The following CCSER1 variants were observed in gnomAD, a reference collection of about 807,000 sequenced individuals.
The protein encoded by CCSER1 is serine-rich coiled-coil domain-containing protein 1.
A neutral mutation model predicts 82.0 loss-of-function variants in CCSER1; 41 were observed. The ratio of observed to expected loss-of-function variants is 0.50; its 90% confidence interval spans 0.39 to 0.65. The LOEUF (loss-of-function observed/expected upper bound fraction) is 0.65. CCSER1 is among the 30% of genes least tolerant of loss of function. The pLI is 0.00. For synonymous variants in CCSER1, 414 were observed against 383.9 expected, an observed-to-expected ratio of 1.08 and a Z score of -0.92; for missense variants, 1,119 against 1,064.2, an observed-to-expected ratio of 1.05 and a Z score of -0.72.
intron 7 of CCSER1, among the ~76,000 whole-genome samples, chr4:90,745,276 A>G (rs373260575): frequency 1.2e-4 from 18 of 152,276 alleles, no homozygotes; most frequent in Middle Eastern, 6.8e-3. Context: ...AGTCTTCCTC[A>G]TGCTGCATCT....
At position 91,275,908 on chromosome 4, in the gene CCSER1, G is replaced by A. The variant is rs117525670; in HGVS notation, c.2217+189914G>A. Reference sequence around the variant, plus strand: ...TCCAATTTACCCAGCACCATTTATTGAAGGGACTCCTTTACTCCAATTTAT... The same window carrying A: ...TCCAATTTACCCAGCACCATTTATTAAAGGGACTCCTTTACTCCAATTTAT... On this transcript the variant is annotated intron_variant, in intron 10 of 10. Transcript: ENST00000509176. Among the ~76,000 whole-genome samples the A allele has an allele frequency of 4.2e-4, 64 of 152,158 alleles. No individual in the cohort carries two copies. The East Asian group carries it at 0.012, about 28-fold the overall frequency.
chr4:91,114,556 C>CT (rs1457251651), intron 10 of CCSER1, among the ~76,000 whole-genome samples: 3 of 152,186 alleles, frequency 2.0e-5, no homozygotes, highest in Admixed American at 6.5e-5. Flanking sequence ...GAAGAAAACA[C>CT]TGTCAGAAAG....
chr4:90,183,991 T>C (rs1420030496), intron 1 of CCSER1, among the ~76,000 whole-genome samples: 2 of 152,098 alleles, frequency 1.3e-5, no homozygotes, highest in Non-Finnish European at 2.9e-5. Context: ...AACAGTATTA[T>C]GAGAAATATC....
intron 10 of CCSER1, among the ~76,000 whole-genome samples, chr4:91,475,820 G>T (rs999967172): frequency 1.3e-5 from 2 of 151,586 alleles, no homozygotes; most frequent in African/African-American, 4.8e-5. Context: ...CCAGCCTCTG[G>T]TAACCACTAT....
chr4:91,393,490 G>A (rs895661727), intron 10 of CCSER1, among the ~76,000 whole-genome samples: 1 of 151,984 alleles, frequency 6.6e-6, no homozygotes, highest in South Asian at 2.1e-4. Context: ...ATTATATTTT[G>A]CAATGAAATC....
intron 10 of CCSER1, among the ~76,000 whole-genome samples, chr4:91,327,073 T>C (rs1263380554): frequency 1.3e-5 from 2 of 152,190 alleles, no homozygotes; most frequent in Non-Finnish European, 2.9e-5. Flanking sequence ...GGTGGATCTA[T>C]CGTTCTGGGG....
chr4:90,205,348 T>C (rs1289592320), intron 1 of CCSER1, among the ~76,000 whole-genome samples: 1 of 152,164 alleles, frequency 6.6e-6, no homozygotes, highest in Non-Finnish European at 1.5e-5. Flanking sequence ...AGAGCTCTTA[T>C]TATTTTGAGA....
chr4:91,264,622 T>A (rs1173076805), intron 10 of CCSER1, among the ~76,000 whole-genome samples: 1 of 152,084 alleles, frequency 6.6e-6, no homozygotes, highest in Admixed American at 6.5e-5. Flanking sequence ...AATGAATTTT[T>A]AAAATTTTAC....
intron 9 of CCSER1, among the ~76,000 whole-genome samples, chr4:91,009,840 A>G (rs533190113): frequency 1.2e-4 from 18 of 152,262 alleles, no homozygotes; most frequent in Admixed American, 3.3e-4. Flanking sequence ...ATCTTTTTAT[A>G]TTATGGAATT....
At chr4:90,515,089 C>T (rs1261510778) in intron 5 of CCSER1, among the ~76,000 whole-genome samples, 1 of 152,060 alleles carries the variant, frequency 6.6e-6, no homozygotes, top group African/African-American at 2.4e-5. Flanking sequence ...AACTCCTGAC[C>T]TTGTGATCTG....
chr4:91,404,040 T>C (rs1323118120), intron 10 of CCSER1, among the ~76,000 whole-genome samples: 1 of 152,150 alleles, frequency 6.6e-6, no homozygotes, highest in African/African-American at 2.4e-5. Context: ...CTTTTTTTGG[T>C]TGGTAGGCTA....
At chr4:90,765,170 G>A (rs1751030661) in intron 7 of CCSER1, among the ~76,000 whole-genome samples, 1 of 152,086 alleles carries the variant, frequency 6.6e-6, no homozygotes, top group Non-Finnish European at 1.5e-5. Flanking sequence ...TGTCCTTAGA[G>A]GAGTTTCTAT....
chr4:90,982,323 C>T (rs773598365), intron 9 of CCSER1, among the ~76,000 whole-genome samples: 57 of 151,684 alleles, frequency 3.8e-4, no homozygotes, highest in Non-Finnish European at 7.7e-4. Context: ...ACCTTCATGA[C>T]TTCACGTAAA....
chr4:91,463,248 G>T (rs190196735), intron 10 of CCSER1, among the ~76,000 whole-genome samples: 2,613 of 152,288 alleles, frequency 0.017, 31 homozygotes, highest in Non-Finnish European at 0.028. Flanking sequence ...AGGCAAACAG[G>T]GTCTGGAGTG....
chr4:90,962,282 G>T (rs1266018126), intron 9 of CCSER1, among the ~76,000 whole-genome samples: 1 of 152,010 alleles, frequency 6.6e-6, no homozygotes, highest in Non-Finnish European at 1.5e-5. Flanking sequence ...AAATGGGTAT[G>T]AGAAATGGAA....
rs75300476 is a variant in CCSER1, at chr4:91,581,915, C to T, written c.2218-16657C>T. On this transcript the variant is annotated intron_variant, in intron 10 of 10. Coordinates refer to ENST00000509176, the MANE Select transcript of CCSER1 (RefSeq NM_001145065.2). ...GAGGCAACTTTGCCCTAGTTGAGAA[C>T]CACTGATTTACCGTATTAATTATTT... 2.0e-5 allele frequency among the ~76,000 whole-genome samples: 3 copies of T among 151,638 alleles called. No homozygotes were observed. The South Asian group carries it at 6.2e-4, about 31-fold the overall frequency.
chr4:91,220,253 G>T lies in CCSER1; in HGVS notation c.2217+134259G>T, dbSNP rs544119738. On this transcript the variant is annotated intron_variant, in intron 10 of 10. Coordinates refer to ENST00000509176, the MANE Select transcript of CCSER1 (RefSeq NM_001145065.2). Reference sequence around the variant, plus strand: ...CTTTTTAAATGTCATAAATTGAGAAGAAGTTTTTGTTTTGTTATTCTAGTA... The same window carrying T: ...CTTTTTAAATGTCATAAATTGAGAATAAGTTTTTGTTTTGTTATTCTAGTA... Among the ~76,000 whole-genome samples, 6 of 152,302 alleles carry T rather than the reference G, an allele frequency of 3.9e-5. No individual in the cohort carries two copies. The South Asian group carries it at 1.2e-3, about 32-fold the overall frequency.
At chr4:91,260,477 C>T (rs917601329) in intron 10 of CCSER1, among the ~76,000 whole-genome samples, 21 of 152,302 alleles carry the variant, frequency 1.4e-4, no homozygotes, top group Admixed American at 1.2e-3. Flanking sequence ...TAGTATCCCA[C>T]TGTATAGATG....
chr4:90,168,048 A>T (rs1311280020), intron 1 of CCSER1, among the ~76,000 whole-genome samples: 4 of 152,216 alleles, frequency 2.6e-5, no homozygotes, highest in Non-Finnish European at 5.9e-5. Context: ...AGGAATCACC[A>T]CACTGACTTC....
Sources: gnomAD v4.1 joint callset for allele counts (sites outside exome capture counted in the v4.1 genomes callset) on GRCh38, gnomAD v4.1.1 for gene constraint, MANE v1.5 for transcripts, NCBI Gene and HGNC (gene_info 2026-07-23, HGNC 2026-07-21) for gene names.